The following ALDH1A2 variants were observed in gnomAD, a reference collection of about 807,000 sequenced individuals.
The protein encoded by ALDH1A2 is aldehyde dehydrogenase 1 family member A2.
Under a neutral mutation model 60.3 loss-of-function variants are expected in ALDH1A2, and 27 were observed. The observed-to-expected ratio is 0.45, with a 90% confidence interval of 0.33 to 0.62. ALDH1A2 has a LOEUF of 0.62. Ranked by LOEUF, ALDH1A2 falls within the 20% of genes least tolerant of loss-of-function variation. ALDH1A2 has a pLI of 0.02. For missense variants in ALDH1A2, 581 were observed against 643.8 expected, an observed-to-expected ratio of 0.90 and a Z score of 1.06; for synonymous variants, 289 against 232.4, an observed-to-expected ratio of 1.24 and a Z score of -2.21.
chr15:57,981,757 A>G (rs1474966941), intron 7 of ALDH1A2, among the ~76,000 whole-genome samples: 2 of 152,240 alleles, frequency 1.3e-5, no homozygotes, highest in Non-Finnish European at 2.9e-5. Flanking sequence ...AATAAATAGA[A>G]AACAATGACA....
chr15:58,042,977 C>A (rs1451598606), intron 1 of ALDH1A2, among the ~76,000 whole-genome samples: 2 of 151,878 alleles, frequency 1.3e-5, no homozygotes, highest in Non-Finnish European at 2.9e-5. Flanking sequence ...GCATTAGGGG[C>A]TTATTTATAA....
Position 57,954,953 on chromosome 15 carries a change from T to C in ALDH1A2, c.*244A>G. The C allele has an allele frequency of 1.7e-6, 1 of 582,996 alleles. No homozygotes were observed. The highest frequency in any genetic ancestry group is 2.0e-5 in the South Asian group (1 of 49,688). The allele number at this position is 582,996 out of a possible 1,614,324, so 36.1% of individuals were successfully genotyped here. On this transcript the variant is annotated 3_prime_UTR_variant, in exon 13 of 13. Coordinates refer to ENST00000249750, the MANE Select transcript of ALDH1A2 (RefSeq NM_003888.4). ...ACTGGATGTGTCTGCTAGCTCCTCCTCCTCCCTTTATCCCACTTTCCCCAA... is the reference window on the plus strand; with the variant it reads ...ACTGGATGTGTCTGCTAGCTCCTCCCCCTCCCTTTATCCCACTTTCCCCAA...
chr15:57,988,695 T>C (rs1894794287), intron 7 of ALDH1A2, among the ~76,000 whole-genome samples: 1 of 152,256 alleles, frequency 6.6e-6, no homozygotes, highest in East Asian at 1.9e-4. Flanking sequence ...GTGCATTTTA[T>C]TGTATGTAAA....
At chr15:58,035,988 A>G (rs1356763495) in intron 1 of ALDH1A2, among the ~76,000 whole-genome samples, 1 of 151,666 alleles carries the variant, frequency 6.6e-6, no homozygotes, top group African/African-American at 2.4e-5. Flanking sequence ...CAATTTCCAG[A>G]TCACTGTTCT....
intron 1 of ALDH1A2, among the ~76,000 whole-genome samples, chr15:58,030,944 T>C (rs1182434963): frequency 2.6e-5 from 4 of 152,244 alleles, no homozygotes; most frequent in African/African-American, 7.2e-5. Flanking sequence ...ATTGTAAAAA[T>C]GGCCATACTG....
Position 58,001,034 on chromosome 15 carries a change from TA to T in ALDH1A2, c.494-5896del, listed in dbSNP as rs10641902. ...TGTATTTTTAATACTTCAAAATTGT[TA>T]AAAAAAAAAAAAAAAAAAGAATGAA... On this transcript the variant is annotated intron_variant, in intron 4 of 12. Transcript: ENST00000249750. Among the ~76,000 whole-genome samples, 1,190 of 126,212 alleles carry T rather than the reference TA, an allele frequency of 9.4e-3. 12 individuals are homozygous for T. The highest frequency in any genetic ancestry group is 0.031 in the African/African-American group (1,076 of 34,682). 82.8% of individuals were successfully genotyped at this position (126,212 alleles called of 152,430 possible). A position where few individuals can be genotyped will look rare whatever the true frequency, so the allele number is the denominator to read the frequency against.
At chr15:57,991,812 G>C (rs1384926720) in intron 7 of ALDH1A2, among the ~76,000 whole-genome samples, 1 of 152,132 alleles carries the variant, frequency 6.6e-6, no homozygotes, top group Non-Finnish European at 1.5e-5. Flanking sequence ...TTCTAGACCT[G>C]CGGACATCCT....
chr15:58,048,791 T>G (rs1896699885), intron 1 of ALDH1A2, among the ~76,000 whole-genome samples: 1 of 152,032 alleles, frequency 6.6e-6, no homozygotes, highest in African/African-American at 2.4e-5. Flanking sequence ...CATGGAGGTC[T>G]TCTTGGACTC....
intron 9 of ALDH1A2, 72 bp downstream of exon 9, chr15:57,963,813 C>T: frequency 6.6e-7 from 1 of 1,525,634 alleles, no homozygotes; most frequent in Non-Finnish European, 9.1e-7. Context: ...TTGCTGGGAC[C>T]TACTACAGTG....
chr15:58,022,162 G>A (rs1202463735), intron 1 of ALDH1A2, among the ~76,000 whole-genome samples: 1 of 152,084 alleles, frequency 6.6e-6, no homozygotes, highest in East Asian at 1.9e-4. Context: ...TCACCACTGT[G>A]GGGGCTGAAC....
chr15:58,005,035 C>A (rs929522238), intron 4 of ALDH1A2, among the ~76,000 whole-genome samples: 1 of 151,782 alleles, frequency 6.6e-6, no homozygotes, highest in African/African-American at 2.4e-5. Context: ...TGGTGACTCA[C>A]TATTGCCTAC....
At chr15:58,014,674 T>A (rs970651634) in intron 1 of ALDH1A2, among the ~76,000 whole-genome samples, 4 of 152,204 alleles carry the variant, frequency 2.6e-5, no homozygotes, top group Non-Finnish European at 5.9e-5. Context: ...GATCCTACTT[T>A]CTCTGCCACA....
chr15:57,959,544 G>T (rs1372833208), intron 12 of ALDH1A2, among the ~76,000 whole-genome samples: 1 of 152,142 alleles, frequency 6.6e-6, no homozygotes, highest in African/African-American at 2.4e-5. Context: ...TCTGCTTGAT[G>T]AATAATGATG....
intron 7 of ALDH1A2, among the ~76,000 whole-genome samples, chr15:57,977,154 C>G (rs1308158102): frequency 6.6e-6 from 1 of 151,452 alleles, no homozygotes. Context: ...GATATTAGCC[C>G]TTTGTCAGAT....
At chr15:58,058,717 A>G (rs756720265) in intron 1 of ALDH1A2, among the ~76,000 whole-genome samples, 1 of 152,200 alleles carries the variant, frequency 6.6e-6, no homozygotes, top group East Asian at 1.9e-4. Context: ...TGATAAAGAA[A>G]TACTACTTTG....
chr15:58,012,731 A>G (rs1261231423), intron 3 of ALDH1A2, among the ~76,000 whole-genome samples: 1 of 152,170 alleles, frequency 6.6e-6, no homozygotes, highest in African/African-American at 2.4e-5. Context: ...TTCCCATACT[A>G]TGAACAGATT....
rs1368892713 is a variant in ALDH1A2 at position 58,014,479 on chromosome 15, A to T, written c.118-198T>A. The T allele has an allele frequency of 8.0e-6, 5 of 625,562 alleles. No individual in the cohort carries two copies. The African/African-American group carries it at 9.0e-5, about 11-fold the overall frequency. 38.8% of individuals were successfully genotyped at this position (625,562 alleles called of 1,614,324 possible). On this transcript the variant is annotated intron_variant, in intron 1 of 12. Coordinates refer to ENST00000249750, the MANE Select transcript of ALDH1A2 (RefSeq NM_003888.4). ...TATATTTTTGCTTTAACATCATCCA[A>T]AGGCTAACTACAGTTCTTACCTTTC...
At chr15:57,968,268 C>G (rs1286252963) in intron 7 of ALDH1A2, among the ~76,000 whole-genome samples, 2 of 152,160 alleles carry the variant, frequency 1.3e-5, no homozygotes, top group African/African-American at 4.8e-5. Flanking sequence ...TAGATACTTA[C>G]AAGCATTATG....
In ALDH1A2 at chr15:58,001,740, C is replaced by T. The variant is rs1460611519; in HGVS notation, c.494-6601G>A. ...TAAGCTCAACAGCCTGATATAAAAA[C>T]AGTCTCCACCCAAATTCAGATACTC... On this transcript the variant is annotated intron_variant, in intron 4 of 12. Transcript: ENST00000249750. 2.0e-5 allele frequency among the ~76,000 whole-genome samples: 3 copies of T among 151,892 alleles called. No homozygotes were observed. In the East Asian group the frequency reaches 5.8e-4, roughly 29 times the overall value.
Sources: gnomAD v4.1 joint callset for allele counts (sites outside exome capture counted in the v4.1 genomes callset) on GRCh38, gnomAD v4.1.1 for gene constraint, MANE v1.5 for transcripts, NCBI Gene and HGNC (gene_info 2026-07-23, HGNC 2026-07-21) for gene names.